The following NELL1 variants were observed in gnomAD, a reference collection of about 807,000 sequenced individuals.
NELL1 encodes the protein protein kinase C-binding protein NELL1.
A neutral mutation model predicts 107.4 loss-of-function variants in NELL1; 76 were observed. That is an observed-to-expected ratio of 0.71 (90% CI 0.59 to 0.86). The LOEUF is 0.86. NELL1 is among the 40% of genes least tolerant of loss of function. The probability of loss-of-function intolerance (pLI) is 0.00; values close to 1 mark genes in which losing one functional copy is unlikely to be tolerated. For synonymous variants in NELL1, 353 were observed against 341.2 expected (o/e 1.03, Z -0.38); for missense variants, 1,024 against 1,005.5 (o/e 1.02, Z -0.25).
chr11:21,218,207 T>A (rs1857664932), intron 13 of NELL1, among the ~76,000 whole-genome samples: 1 of 152,178 alleles, frequency 6.6e-6, no homozygotes, highest in Admixed American at 6.5e-5. Context: ...GGACTATAAT[T>A]GATTCTAAGC....
At chr11:21,212,049 C>G (rs1465903098) in intron 13 of NELL1, among the ~76,000 whole-genome samples, 1 of 152,114 alleles carries the variant, frequency 6.6e-6, no homozygotes, top group Non-Finnish European at 1.5e-5. Context: ...TGGTCTCAAA[C>G]TCCTGACCTC....
chr11:20,867,448 G>A (rs999094134), intron 4 of NELL1, among the ~76,000 whole-genome samples: 14 of 152,292 alleles, frequency 9.2e-5, no homozygotes, highest in Non-Finnish European at 1.0e-4. Context: ...AGGAGGAAAC[G>A]TTTATGAACG....
chr11:21,140,455 T>C (rs1167944716), intron 13 of NELL1, among the ~76,000 whole-genome samples: 1 of 152,202 alleles, frequency 6.6e-6, no homozygotes, highest in African/African-American at 2.4e-5. Flanking sequence ...TGGAGTTTAA[T>C]AACTGCTTTT....
At chr11:21,303,345 A>G (rs1280510765) in intron 14 of NELL1, among the ~76,000 whole-genome samples, 1 of 152,028 alleles carries the variant, frequency 6.6e-6, no homozygotes, top group Admixed American at 6.6e-5. Flanking sequence ...AAAAGAAGAC[A>G]TACAAATTGC....
chr11:21,498,840 A>G (rs1855058579), intron 15 of NELL1, among the ~76,000 whole-genome samples: 1 of 151,984 alleles, frequency 6.6e-6, no homozygotes, highest in Non-Finnish European at 1.5e-5. Flanking sequence ...TTTCAACCTG[A>G]CCTATGTGAA....
At chr11:21,500,938 C>T (rs1314126588) in intron 15 of NELL1, among the ~76,000 whole-genome samples, 2 of 151,978 alleles carry the variant, frequency 1.3e-5, no homozygotes, top group African/African-American at 4.8e-5. Flanking sequence ...TGTTTTTTCC[C>T]CTATGCTGTG....
chr11:21,124,336 TA>T (rs1855440835), intron 13 of NELL1, among the ~76,000 whole-genome samples: 1 of 152,224 alleles, frequency 6.6e-6, no homozygotes, highest in South Asian at 2.1e-4. Context: ...TTTCATCTTT[TA>T]TGACACAGAT....
Position 20,783,768 on chromosome 11 carries a change from C to T in NELL1, c.273C>T (p.Ala91=). Residue 91 remains alanine, a synonymous_variant, in exon 3 of 20, where the codon GCC becomes GCT. Transcript: ENST00000357134. Reference sequence around the variant, plus strand: ...ACAAGAGTGAATTCACCATTTTGGCCACTGTACAGCAGAAGCCATCCACTT... The same window carrying T: ...ACAAGAGTGAATTCACCATTTTGGCTACTGTACAGCAGAAGCCATCCACTT... ...FRNKSEFTIL[A]TVQQKPSTSG... is the part of the protein sequence containing the mutation. 6.2e-7 allele frequency: 1 copy of T among 1,613,804 alleles called. No individual in the cohort carries two copies. The highest frequency in any genetic ancestry group is 8.5e-7 in the Non-Finnish European group (1 of 1,179,764).
intron 13 of NELL1, chr11:21,169,703 C>T (rs1856560665): frequency 1.5e-6 from 1 of 663,074 alleles, no homozygotes; most frequent in Non-Finnish European, 2.5e-6. Flanking sequence ...AATCATAATT[C>T]CTTGGTCATC....
intron 13 of NELL1, among the ~76,000 whole-genome samples, chr11:21,121,198 T>C (rs1855359700): frequency 6.6e-6 from 1 of 152,098 alleles, no homozygotes; most frequent in South Asian, 2.1e-4. Flanking sequence ...GGAGAGAATA[T>C]CAGAGGGAAA....
intron 14 of NELL1, among the ~76,000 whole-genome samples, chr11:21,249,736 T>C (rs1476438754): frequency 6.6e-6 from 1 of 152,190 alleles, no homozygotes; most frequent in African/African-American, 2.4e-5. Flanking sequence ...CACTTGAATG[T>C]TAGTTTGCAC....
intron 13 of NELL1, among the ~76,000 whole-genome samples, chr11:21,143,481 C>T (rs544039588): frequency 3.3e-5 from 5 of 151,946 alleles, no homozygotes; most frequent in South Asian, 4.2e-4. Flanking sequence ...AAATAGCTAG[C>T]GAAAAGTCCT....
At chr11:20,750,701 C>A (rs1230903215) in intron 2 of NELL1, among the ~76,000 whole-genome samples, 1 of 152,114 alleles carries the variant, frequency 6.6e-6, no homozygotes, top group African/African-American at 2.4e-5. Flanking sequence ...ATCCTCCCGT[C>A]TCAACCTCCC....
intron 3 of NELL1, among the ~76,000 whole-genome samples, chr11:20,808,402 C>T (rs1231849420): frequency 1.3e-5 from 2 of 152,312 alleles, no homozygotes; most frequent in East Asian, 3.9e-4. Flanking sequence ...ACAAAGTCCT[C>T]TTCACTCTTC....
chr11:21,116,917 G>C (rs1855249805), intron 13 of NELL1, among the ~76,000 whole-genome samples: 1 of 151,970 alleles, frequency 6.6e-6, no homozygotes, highest in South Asian at 2.1e-4. Flanking sequence ...CTTTGATCTA[G>C]TGTCTCATTA....
At chr11:21,304,295 A>C (rs754608839) in intron 14 of NELL1, among the ~76,000 whole-genome samples, 1 of 152,128 alleles carries the variant, frequency 6.6e-6, no homozygotes, top group African/African-American at 2.4e-5. Flanking sequence ...ATCTCTGTAG[A>C]TGCCTTTGTA....
intron 16 of NELL1, among the ~76,000 whole-genome samples, chr11:21,544,196 T>G (rs1335783964): frequency 6.6e-6 from 1 of 151,960 alleles, no homozygotes; most frequent in Non-Finnish European, 1.5e-5. Context: ...ATTAGAAAAC[T>G]TACAAAAACC....
At chr11:20,934,458 T>C (rs892133356) in intron 9 of NELL1, among the ~76,000 whole-genome samples, 2 of 152,272 alleles carry the variant, frequency 1.3e-5, no homozygotes, top group South Asian at 2.1e-4. Flanking sequence ...TGTGTCTCCA[T>C]GTGTGGTGTG....
At chr11:20,869,902 T>C (rs2134085877) in intron 4 of NELL1, among the ~76,000 whole-genome samples, 1 of 152,268 alleles carries the variant, frequency 6.6e-6, no homozygotes, top group African/African-American at 2.4e-5. Context: ...GTAACAGAAA[T>C]CAACTTGAAT....
Sources: allele counts gnomAD v4.1 joint callset (sites outside exome capture counted in the v4.1 genomes callset), GRCh38; gene constraint gnomAD v4.1.1; transcripts MANE v1.5; gene names NCBI Gene and HGNC (gene_info 2026-07-23, HGNC 2026-07-21).